Variants in RNF38 observed in about 807,000 individuals in gnomAD.
RNF38 encodes the protein E3 ubiquitin-protein ligase RNF38.
A neutral mutation model predicts 67.2 loss-of-function variants in RNF38; 15 were observed. That is an observed-to-expected ratio of 0.22 (90% confidence interval 0.15 to 0.34). RNF38 has a LOEUF of 0.34. Ranked by LOEUF, RNF38 falls within the 10% of genes least tolerant of loss-of-function variation. RNF38 has a pLI of 1.00. For synonymous variants in RNF38, 220 were observed against 218.8 expected (o/e 1.01, Z -0.05); for missense variants, 524 against 639.9 (o/e 0.82, Z 1.95).
chr9:36,374,197 T>C (rs1418573787), intron 3 of RNF38, among the ~76,000 whole-genome samples: 1 of 152,232 alleles, frequency 6.6e-6, no homozygotes, highest in Non-Finnish European at 1.5e-5. Flanking sequence ...GTAAAAGTCT[T>C]AATGTCTCAA....
chr9:36,444,830 A>G (rs2134312168), intron 1 of RNF38, among the ~76,000 whole-genome samples: 1 of 152,050 alleles, frequency 6.6e-6, no homozygotes, highest in East Asian at 1.9e-4. Context: ...ATAAGGGAAT[A>G]CCACACCCCT....
At chr9:36,401,455 T>C (rs559158555), upstream of RNF38, among the ~76,000 whole-genome samples, 34 of 152,304 alleles carry the variant, frequency 2.2e-4, no homozygotes, top group African/African-American at 7.5e-4. Context: ...ACAGCATAAA[T>C]GCATTCACGT....
intron 1 of RNF38, among the ~76,000 whole-genome samples, chr9:36,469,271 G>A (rs1839938655): frequency 6.6e-6 from 1 of 152,224 alleles, no homozygotes; most frequent in East Asian, 1.9e-4. Flanking sequence ...ACAGAGAAGT[G>A]TTTTATGGAG....
chr9:36,434,361 G>A (rs1170564850), intron 1 of RNF38, among the ~76,000 whole-genome samples: 1 of 144,570 alleles, frequency 6.9e-6, no homozygotes, highest in African/African-American at 2.6e-5. Flanking sequence ...GAGGAGGATG[G>A]GGAGGGCACG....
At chr9:36,444,304 G>T (rs1312564184) in intron 1 of RNF38, among the ~76,000 whole-genome samples, 1 of 152,090 alleles carries the variant, frequency 6.6e-6, no homozygotes, top group Non-Finnish European at 1.5e-5. Flanking sequence ...AAAAATGAGG[G>T]TTGCAGGTTG....
chr9:36,481,607 T>G lies in RNF38; in HGVS notation n.241+5701A>C, dbSNP rs369408366. Among the ~76,000 whole-genome samples, 11 of 152,248 alleles carry G rather than the reference T, an allele frequency of 7.2e-5. No homozygotes were observed. The South Asian group carries it at 1.9e-3, about 26-fold the overall frequency. On this transcript the variant is annotated intron_variant and non_coding_transcript_variant, in intron 1 of 3. Coordinates refer to the RNF38 transcript ENST00000488058. ...CTCCAAGACAGCAGCATAAGCAAAT[T>G]GAAACTTCCTATCCCACCACCCTCA...
rs774987796 is a variant in RNF38, at chr9:36,427,141, CTAATT to C, written n.242-2463_242-2459del. 3.9e-5 allele frequency among the ~76,000 whole-genome samples: 6 copies of C among 152,160 alleles called. No homozygotes were observed. The South Asian group carries it at 1.0e-3, about 26-fold the overall frequency. On this transcript the variant is annotated intron_variant and non_coding_transcript_variant, in intron 1 of 3. Coordinates refer to the RNF38 transcript ENST00000488058. ...TCTCTCCAGCCACATAATAGGCTCC[CTAATT>C]TATCTTTTCATCTTCCAGCATGCAG...
At chr9:36,387,426 A>C (rs754877647) in intron 2 of RNF38, among the ~76,000 whole-genome samples, 2 of 152,242 alleles carry the variant, frequency 1.3e-5, no homozygotes, top group Non-Finnish European at 2.9e-5. Context: ...CATGTACTTA[A>C]TTACCTTTTG....
At chr9:36,380,643 C>T (rs1269531163) in intron 2 of RNF38, among the ~76,000 whole-genome samples, 1 of 152,160 alleles carries the variant, frequency 6.6e-6, no homozygotes, top group Non-Finnish European at 1.5e-5. Flanking sequence ...CAGGTGCACA[C>T]CACCATGACC....
At chr9:36,375,895 A>G (rs1209447707) in intron 3 of RNF38, 39 bp downstream of exon 3, 1 of 1,552,164 alleles carries the variant, frequency 6.4e-7, no homozygotes, top group Middle Eastern at 1.7e-4. Context: ...AAATCTACCA[A>G]TGGAAGAAAA....
intron 3 of RNF38, among the ~76,000 whole-genome samples, chr9:36,371,129 A>C (rs1835347777): frequency 6.6e-6 from 1 of 152,132 alleles, no homozygotes; most frequent in South Asian, 2.1e-4. Context: ...GAGGTCAAAC[A>C]TCTCCCTTCT....
intron 2 of RNF38, among the ~76,000 whole-genome samples, chr9:36,420,404 C>T (rs1380249888): frequency 6.6e-6 from 1 of 151,744 alleles, no homozygotes; most frequent in Non-Finnish European, 1.5e-5. Flanking sequence ...TGGTGACAGG[C>T]ACCTGTAGTC....
At chr9:36,444,820 A>G (rs968762244) in intron 1 of RNF38, among the ~76,000 whole-genome samples, 2 of 152,156 alleles carry the variant, frequency 1.3e-5, no homozygotes, top group Admixed American at 6.6e-5. Context: ...ATTTGAATAA[A>G]TAAGGGAATA....
At chr9:36,342,210 G>C (rs932057679) in intron 11 of RNF38, 115 bp downstream of exon 11, 2 of 731,706 alleles carry the variant, frequency 2.7e-6, no homozygotes, top group African/African-American at 3.5e-5. Flanking sequence ...CATACTGAAA[G>C]CTGTGTTTCC....
rs1387132767 is a variant in RNF38 at position 36,356,365 on chromosome 9, G to A, written c.847C>T (p.His283Tyr). The stretch of plus-strand genomic sequence containing the variant: ...CCTGGTGGTGGCAAATGAGGAGGAT[G>A]ATGGGGAGAAAGGTGAGGAGGATGT... Reference protein sequence around the residue: ...LIHPPHLSPHHPPHLPPPGQF... With the variant: ...LIHPPHLSPHYPPHLPPPGQF... Residue 283 changes from histidine to tyrosine, a missense_variant, in exon 6 of 12, where the codon CAT (histidine) becomes TAT (tyrosine). By Grantham distance (83) the His-to-Tyr change is moderately conservative. Around this residue, in one of 2 missense-constraint regions of RNF38, gnomAD observed 461 missense variants for 517.4 expected, o/e 0.89. Coordinates refer to ENST00000259605, the MANE Select transcript of RNF38 (RefSeq NM_022781.5). 6.2e-7 allele frequency: 1 copy of A among 1,613,948 alleles called. No homozygotes were observed. The highest frequency in any genetic ancestry group is 8.5e-7 in the Non-Finnish European group (1 of 1,180,026).
intron 1 of RNF38, among the ~76,000 whole-genome samples, chr9:36,433,784 T>C (rs1170452612): frequency 6.6e-6 from 1 of 152,032 alleles, no homozygotes; most frequent in African/African-American, 2.4e-5. Context: ...AATGACACCT[T>C]GTCACCCACC....
In RNF38 at chr9:36,338,099, A is replaced by AT. The variant is rs1832575408; in HGVS notation, c.*1652dup. The AT allele has an allele frequency of 6.6e-6, 1 of 152,620 alleles. No homozygotes were observed. The highest frequency in any genetic ancestry group is 2.1e-4 in the South Asian group (1 of 4,834). The allele number at this position is 152,620 out of a possible 1,614,324, so 9.5% of individuals were successfully genotyped here. Reference sequence around the variant, plus strand: ...AGTTATCACAGTCCTGACTGGAATAATGCAGCTTGTGCTATTGCAAACAAA... The same window carrying AT: ...AGTTATCACAGTCCTGACTGGAATAATTGCAGCTTGTGCTATTGCAAACAAA... On this transcript the variant is annotated 3_prime_UTR_variant, in exon 12 of 12. Transcript: ENST00000259605.
At chr9:36,389,907 G>C (rs892777773) in intron 2 of RNF38, among the ~76,000 whole-genome samples, 1 of 152,146 alleles carries the variant, frequency 6.6e-6, no homozygotes, top group African/African-American at 2.4e-5. Context: ...GGTAGCCAAT[G>C]ATTTCTATGG....
chr9:36,400,899 T>TCCCCGCCCCG (rs1396286770), upstream of RNF38: 2 of 825,114 alleles, frequency 2.4e-6, no homozygotes, highest in Non-Finnish European at 2.7e-6. Flanking sequence ...GCCACGCCCC[T>TCCCCGCCCCG]CCCCGCCCCG....
Sources: gnomAD v4.1 joint callset for allele counts (sites outside exome capture counted in the v4.1 genomes callset) on GRCh38, gnomAD v4.1.1 for gene constraint, gnomAD v4.1.1 regional missense constraint, MANE v1.5 for transcripts, NCBI Gene and HGNC (gene_info 2026-07-23, HGNC 2026-07-21) for gene names.